Variants in SBF2 observed in about 807,000 individuals in gnomAD.
SBF2 encodes the protein myotubularin-related protein 13.
SBF2 carries 112 observed loss-of-function variants against 225.2 expected under a neutral mutation model. The ratio of observed to expected loss-of-function variants is 0.50; its 90% confidence interval spans 0.43 to 0.58. The LOEUF is 0.58. Ranked by LOEUF, SBF2 falls within the 20% of genes least tolerant of loss-of-function variation. The probability of loss-of-function intolerance (pLI) is 0.00; values close to 1 mark genes in which losing one functional copy is unlikely to be tolerated. For missense variants in SBF2, 1,996 were observed against 2,206.2 expected, an observed-to-expected ratio of 0.90 and a Z score of 1.91; for synonymous variants, 763 against 773.3, an observed-to-expected ratio of 0.99 and a Z score of 0.22.
intron 16 of SBF2, among the ~76,000 whole-genome samples, chr11:9,901,298 C>G (rs1022637911): frequency 1.6e-4 from 25 of 152,092 alleles, no homozygotes; most frequent in African/African-American, 5.6e-4. Context: ...GTTGTGAACT[C>G]AAGAGACTCA....
intron 1 of SBF2, among the ~76,000 whole-genome samples, chr11:10,223,443 A>ATATATATATATATAT (rs57185157): frequency 6.4e-5 from 8 of 124,274 alleles, no homozygotes; most frequent in East Asian, 2.5e-4. Context: ...ATATATATAT[A>ATATATATATATATAT]GTATTCTTAC....
At chr11:10,003,707 C>G (rs1948072910) in intron 6 of SBF2, among the ~76,000 whole-genome samples, 1 of 151,862 alleles carries the variant, frequency 6.6e-6, no homozygotes, top group African/African-American at 2.4e-5. Flanking sequence ...TCCTTCTTTT[C>G]AATTTCTCCT....
intron 17 of SBF2, among the ~76,000 whole-genome samples, chr11:9,869,885 T>C (rs367614627): frequency 6.6e-5 from 10 of 152,170 alleles, no homozygotes; most frequent in East Asian, 5.8e-4. Context: ...ATAAAGAGTA[T>C]TCAAATAGAA....
intron 2 of SBF2, among the ~76,000 whole-genome samples, chr11:10,045,010 C>A (rs1240490869): frequency 1.3e-5 from 2 of 152,124 alleles, no homozygotes; most frequent in Non-Finnish European, 2.9e-5. Context: ...CTTGTCTGTG[C>A]ACAGACAAAG....
chr11:10,191,286 G>C (rs1957158461), intron 2 of SBF2, among the ~76,000 whole-genome samples: 1 of 152,104 alleles, frequency 6.6e-6, no homozygotes, highest in Non-Finnish European at 1.5e-5. Context: ...TGAAGCCGCA[G>C]GGTTACTCAA....
chr11:10,233,436 T>G (rs572560273), intron 1 of SBF2, among the ~76,000 whole-genome samples: 1 of 152,090 alleles, frequency 6.6e-6, no homozygotes, highest in South Asian at 2.1e-4. Flanking sequence ...GTGCTCCTAT[T>G]ATGAATAATC....
chr11:10,230,868 T>C (rs1409227483), intron 1 of SBF2, among the ~76,000 whole-genome samples: 1 of 152,192 alleles, frequency 6.6e-6, no homozygotes, highest in East Asian at 1.9e-4. Flanking sequence ...CCTTGCTAGA[T>C]TGGGGAAGTT....
At chr11:10,270,994 CAAAA>C (rs1180184303) in intron 1 of SBF2, among the ~76,000 whole-genome samples, 44 of 27,672 alleles carry the variant, frequency 1.6e-3, no homozygotes, top group East Asian at 0.012. Flanking sequence ...GACTCTGTCT[CAAAA>C]AAAAAAAAAA....
At chr11:9,828,854 TTTATTTATATTTCCCACTTCCTCTCCAA>T (rs1855215832) in intron 28 of SBF2, among the ~76,000 whole-genome samples, 1 of 152,244 alleles carries the variant, frequency 6.6e-6, no homozygotes, top group Admixed American at 6.5e-5. Context: ...AAAGGGTGAC[TTTATTTATATTTCCCACTTCCTCTCCAA>T]TTACTCTTTT....
rs186840276 is a variant in SBF2 at position 10,104,873 on chromosome 11, T to C, written c.142-61892A>G. On this transcript the variant is annotated intron_variant, in intron 2 of 39. Transcript: ENST00000256190. ...TCTCATGCTATCGTTTCAGAAGTCA[T>C]CTTTGACTATATTATTTTCTCTTCT... Among the ~76,000 whole-genome samples, 60 of 152,330 alleles carry C rather than the reference T, an allele frequency of 3.9e-4. 1 individual carries two copies. Among genetic ancestry groups the C allele is most frequent in the African/African-American group, 1.3e-3 (54 of 41,584 alleles).
chr11:9,784,342 G>A lies in SBF2; in HGVS notation c.5319+9C>T, dbSNP rs539959164. On this transcript the variant is annotated intron_variant, in intron 38 of 39. Coordinates refer to ENST00000256190, the MANE Select transcript of SBF2 (RefSeq NM_030962.4). ...CAGAAGTAATTTCTTTTGGCTTTAA[G>A]AGTATTACCTGATGTTTTGTTACAT... 3 of 1,601,828 alleles carry A rather than the reference G, an allele frequency of 1.9e-6. No individual in the cohort carries two copies. The highest frequency in any genetic ancestry group is 2.6e-6 in the Non-Finnish European group (3 of 1,168,970).
At chr11:9,842,501 T>C in intron 25 of SBF2, 124 bp downstream of exon 25, 2 of 912,014 alleles carry the variant, frequency 2.2e-6, no homozygotes, top group Non-Finnish European at 3.5e-6. Context: ...AGCTGGTAAG[T>C]GCTTCCATCT....
chr11:9,780,338 C>G lies in SBF2; in HGVS notation c.*80G>C. The G allele has an allele frequency of 7.8e-7, 1 of 1,282,970 alleles. No homozygotes were observed. The highest frequency in any genetic ancestry group is 1.2e-5 in the South Asian group (1 of 80,960). The allele number at this position is 1,282,970 out of a possible 1,614,324, so 79.5% of individuals were successfully genotyped here. On this transcript the variant is annotated 3_prime_UTR_variant, in exon 40 of 40. Coordinates refer to ENST00000256190, the MANE Select transcript of SBF2 (RefSeq NM_030962.4). ...CCCTGGGATAACTTGTTGTCAGCTC[C>G]TCAAGGATCCATGCTTCTTTTTCTA... is the stretch of plus-strand genomic sequence containing the variant.
At chr11:10,174,189 G>C (rs192744348) in intron 2 of SBF2, among the ~76,000 whole-genome samples, 1 of 152,270 alleles carries the variant, frequency 6.6e-6, no homozygotes, top group African/African-American at 2.4e-5. Flanking sequence ...GAGACAAGAA[G>C]GCTTCAGACG....
chr11:10,057,802 CAT>C (rs755773374), intron 2 of SBF2, among the ~76,000 whole-genome samples: 5 of 152,164 alleles, frequency 3.3e-5, no homozygotes, highest in African/African-American at 4.8e-5. Context: ...TGTGAGGAAA[CAT>C]AGGGAAGCCA....
In SBF2 at chr11:9,808,038, CA is replaced by C; in HGVS notation, c.4404del (p.Phe1468LeufsTer9). ...SLTLNCQGSG[F>X]APVFLQFLDC... Reference sequence around the variant, plus strand: ...TCTAAGAACTGTAAGAAGACTGGAGCAAAACCACTCCCCTGACAGTTGAGGG... The same window carrying C: ...TCTAAGAACTGTAAGAAGACTGGAGCAAACCACTCCCCTGACAGTTGAGGG... On this transcript the variant is annotated frameshift_variant, in exon 32 of 40. Transcript: ENST00000256190. LOFTEE classifies it high-confidence loss of function. The C allele has an allele frequency of 6.2e-7, 1 of 1,614,144 alleles. No individual in the cohort carries two copies. Among genetic ancestry groups the C allele is most frequent in the Non-Finnish European group, 8.5e-7 (1 of 1,180,020 alleles).
At chr11:10,259,775 A>G (rs1961248549) in intron 1 of SBF2, among the ~76,000 whole-genome samples, 1 of 152,164 alleles carries the variant, frequency 6.6e-6, no homozygotes, top group South Asian at 2.1e-4. Flanking sequence ...AAATAAGCCT[A>G]CTTTATAAAA....
Position 9,968,534 on chromosome 11 carries a change from A to G in SBF2, c.1407T>C (p.Asn469=). 6.2e-7 allele frequency: 1 copy of G among 1,613,616 alleles called. No homozygotes were observed. Among genetic ancestry groups the G allele is most frequent in the Non-Finnish European group, 8.5e-7 (1 of 1,179,556 alleles). ...GAACTTTCTGGAATGCCATATGAGG[A>G]TTTGGATTCTCCTGTAATATCAGAC... is the stretch of plus-strand genomic sequence containing the variant. ...AEQLFKNENP[N]PHMAFQKVPR... Residue 469 remains asparagine (N), a synonymous_variant, in exon 14 of 40, where the codon AAT becomes AAC. Coordinates refer to ENST00000256190, the MANE Select transcript of SBF2 (RefSeq NM_030962.4).
intron 2 of SBF2, among the ~76,000 whole-genome samples, chr11:10,098,897 T>A (rs1267375566): frequency 6.6e-6 from 1 of 151,434 alleles, no homozygotes; most frequent in African/African-American, 2.4e-5. Context: ...GCCTGCAGGA[T>A]TTATGAGACA....
Sources: gnomAD v4.1 joint callset for allele counts (sites outside exome capture counted in the v4.1 genomes callset) on GRCh38, gnomAD v4.1.1 for gene constraint, MANE v1.5 for transcripts, NCBI Gene and HGNC (gene_info 2026-07-23, HGNC 2026-07-21) for gene names.